The following ZNF385B variants were observed in gnomAD, a reference collection of about 807,000 sequenced individuals.
ZNF385B encodes the protein zinc finger protein 533.
ZNF385B carries 23 observed loss-of-function variants against 39.2 expected under a neutral mutation model. That is an observed-to-expected ratio of 0.59 (90% confidence interval 0.42 to 0.83). ZNF385B has a LOEUF of 0.83. ZNF385B is among the 40% of genes least tolerant of loss of function. The pLI is 0.00. For missense variants in ZNF385B, 552 were observed against 598.9 expected, an observed-to-expected ratio of 0.92 and a Z score of 0.82; for synonymous variants, 205 against 222.6, an observed-to-expected ratio of 0.92 and a Z score of 0.70.
intron 1 of ZNF385B, among the ~76,000 whole-genome samples, chr2:179,798,940 T>G (rs1040052626): frequency 6.6e-6 from 1 of 152,082 alleles, no homozygotes; most frequent in Non-Finnish European, 1.5e-5. Flanking sequence ...TGCCCTTTCT[T>G]TCCCTAAAAG....
Position 179,668,510 on chromosome 2 carries a change from AATGG to A in ZNF385B, c.298+100989_298+100992del, listed in dbSNP as rs1695474771. The stretch of plus-strand genomic sequence containing the variant: ...TTAGTCATTAACCCTCCTTAAGCTA[AATGG>A]ATGGAAACAGTGCATTTTCTCTATT... On this transcript the variant is annotated intron_variant, in intron 3 of 9. Transcript: ENST00000410066. Among the ~76,000 whole-genome samples, 3 of 150,966 alleles carry A rather than the reference AATGG, an allele frequency of 2.0e-5. No homozygotes were observed. The South Asian group carries it at 6.2e-4, about 31-fold the overall frequency.
chr2:179,610,610 T>C (rs12986652), intron 3 of ZNF385B, among the ~76,000 whole-genome samples: 1 of 152,092 alleles, frequency 6.6e-6, no homozygotes, highest in East Asian at 1.9e-4. Flanking sequence ...GATATTTTGC[T>C]GGGGATTGCA....
chr2:179,711,766 T>A (rs535187793), intron 3 of ZNF385B, among the ~76,000 whole-genome samples: 22 of 152,224 alleles, frequency 1.4e-4, no homozygotes, highest in African/African-American at 4.6e-4. Context: ...TGCATTTTTT[T>A]AAATAAGTGG....
At chr2:179,669,951 C>T (rs1279311886) in intron 3 of ZNF385B, among the ~76,000 whole-genome samples, 2 of 151,990 alleles carry the variant, frequency 1.3e-5, no homozygotes, top group Admixed American at 1.3e-4. Flanking sequence ...GTTGAGCAAC[C>T]AGCTCTCTGG....
At chr2:179,595,627 T>C (rs78151175) in intron 3 of ZNF385B, among the ~76,000 whole-genome samples, 27,820 of 151,436 alleles carry the variant, frequency 0.18, 2,653 homozygotes, top group Non-Finnish European at 0.21. Context: ...AGATATTCTT[T>C]TTTTTTTTTT....
rs141894723 is a variant in ZNF385B at position 179,806,059 on chromosome 2, T to C, written c.-154-35387A>G. On this transcript the variant is annotated intron_variant, in intron 1 of 9. Transcript: ENST00000410066. ...AAAAAGCAGAAATCATTAAGGAAGA[T>C]TGTTAAATATAACCATACTAAAAAT... Among the ~76,000 whole-genome samples, 760 of 152,260 alleles carry C rather than the reference T, an allele frequency of 5.0e-3. 4 individuals are homozygous for C. Among genetic ancestry groups the C allele is most frequent in the Non-Finnish European group, 6.0e-3 (409 of 68,016 alleles).
intron 3 of ZNF385B, among the ~76,000 whole-genome samples, chr2:179,729,915 T>C (rs1019244705): frequency 6.6e-6 from 1 of 152,180 alleles, no homozygotes; most frequent in Non-Finnish European, 1.5e-5. Context: ...TCCGCCATAA[T>C]TGCAAGTTTC....
chr2:179,603,271 A>G (rs553443905), intron 3 of ZNF385B, among the ~76,000 whole-genome samples: 3 of 152,290 alleles, frequency 2.0e-5, no homozygotes, highest in Admixed American at 2.0e-4. Context: ...CCATCTTTAT[A>G]GGGCTGCATT....
intron 1 of ZNF385B, among the ~76,000 whole-genome samples, chr2:179,843,724 A>T (rs1314257608): frequency 1.3e-5 from 2 of 152,076 alleles, no homozygotes; most frequent in Non-Finnish European, 2.9e-5. Context: ...TTTCTGTCCC[A>T]TTTGGCAGCC....
intron 3 of ZNF385B, among the ~76,000 whole-genome samples, chr2:179,566,870 T>C (rs1684636165): frequency 6.6e-6 from 1 of 152,034 alleles, no homozygotes; most frequent in African/African-American, 2.4e-5. Flanking sequence ...ACTGTTATTT[T>C]AGAGTAACTC....
At chr2:179,572,092 T>C (rs1685283666) in intron 3 of ZNF385B, among the ~76,000 whole-genome samples, 1 of 152,102 alleles carries the variant, frequency 6.6e-6, no homozygotes, top group Admixed American at 6.6e-5. Context: ...CTAGGGTGTC[T>C]ACCTTCTTGT....
At chr2:179,454,767 T>C (rs1487988819) in intron 6 of ZNF385B, among the ~76,000 whole-genome samples, 1 of 152,098 alleles carries the variant, frequency 6.6e-6, no homozygotes, top group African/African-American at 2.4e-5. Flanking sequence ...AATTTAAAGA[T>C]AGAAAAGAGC....
rs541722615 is a variant in ZNF385B at position 179,454,559 on chromosome 2, G to A, written c.716-7789C>T. Among the ~76,000 whole-genome samples the A allele has an allele frequency of 2.8e-3, 431 of 152,198 alleles. 2 individuals carry two copies. The highest frequency in any genetic ancestry group is 9.8e-3 in the African/African-American group (405 of 41,512). On this transcript the variant is annotated intron_variant, in intron 6 of 9. Coordinates refer to ENST00000410066, the MANE Select transcript of ZNF385B (RefSeq NM_152520.6). Reference sequence around the variant, plus strand: ...ATGGCCTCAGGCAGGTTCTTCAAGAGGTATTCTAGAAGAAGGCATTGTTAT... The same window carrying A: ...ATGGCCTCAGGCAGGTTCTTCAAGAAGTATTCTAGAAGAAGGCATTGTTAT...
At chr2:179,694,843 T>A (rs193062858) in intron 3 of ZNF385B, among the ~76,000 whole-genome samples, 20 of 151,992 alleles carry the variant, frequency 1.3e-4, no homozygotes, top group African/African-American at 4.1e-4. Context: ...GGCAGGAGAA[T>A]CTCTTGAACC....
At chr2:179,581,130 C>T (rs1221960440) in intron 3 of ZNF385B, among the ~76,000 whole-genome samples, 2 of 152,144 alleles carry the variant, frequency 1.3e-5, no homozygotes, top group African/African-American at 4.8e-5. Context: ...CAAATTATGG[C>T]AAAAGCTTGA....
At chr2:179,505,453 A>T (rs1337960736) in intron 5 of ZNF385B, among the ~76,000 whole-genome samples, 1 of 152,100 alleles carries the variant, frequency 6.6e-6, no homozygotes, top group African/African-American at 2.4e-5. Flanking sequence ...AAATGATATA[A>T]GAAAGGGCCA....
chr2:179,621,310 C>T (rs946948677), intron 3 of ZNF385B, among the ~76,000 whole-genome samples: 3 of 152,064 alleles, frequency 2.0e-5, no homozygotes, highest in Non-Finnish European at 4.4e-5. Context: ...GAAAGATAGG[C>T]TATAGTCTAG....
chr2:179,533,514 G>A (rs1429649053), intron 4 of ZNF385B, among the ~76,000 whole-genome samples: 1 of 152,050 alleles, frequency 6.6e-6, no homozygotes, highest in Non-Finnish European at 1.5e-5. Flanking sequence ...TTTTTGAGTA[G>A]GCAGCGAACT....
At chr2:179,696,325 A>ATTT (rs1333224792) in intron 3 of ZNF385B, among the ~76,000 whole-genome samples, 1 of 9,836 alleles carries the variant, frequency 1.0e-4, no homozygotes, top group South Asian at 5.1e-3. Flanking sequence ...ACAAACTGGG[A>ATTT]CTTTTTTTTT....
Sources: gnomAD v4.1 joint callset for allele counts (sites outside exome capture counted in the v4.1 genomes callset) on GRCh38, gnomAD v4.1.1 for gene constraint, MANE v1.5 for transcripts, NCBI Gene and HGNC (gene_info 2026-07-23, HGNC 2026-07-21) for gene names.